HYDIN: variants seen among roughly 807,000 people sequenced by gnomAD.
The protein encoded by HYDIN is axonemal central pair apparatus protein HYDIN.
Under a neutral mutation model 403.9 loss-of-function variants are expected in HYDIN, and 132 were observed. That is an observed-to-expected ratio of 0.33 (90% CI 0.28 to 0.38). The LOEUF is 0.38. Ranked by LOEUF, HYDIN falls within the 10% of genes least tolerant of loss-of-function variation. HYDIN has a pLI of 1.00. For missense variants in HYDIN, 2,827 were observed against 5,009.5 expected (o/e 0.56, Z 13.15); for synonymous variants, 1,202 against 1,891.7 (o/e 0.64, Z 9.46).
rs1303923111 is a variant in HYDIN at position 70,829,847 on chromosome 16, A to G, written c.13900-17T>C. On this transcript the variant is annotated splice_polypyrimidine_tract_variant and intron_variant, in intron 80 of 85. Coordinates refer to ENST00000393567, the MANE Select transcript of HYDIN (RefSeq NM_001270974.2). The stretch of plus-strand genomic sequence containing the variant: ...ATTCACTACCTGGAAGAAAGCAGGC[A>G]CCTCATCTTCCATGGCACTTCCCCC... 1.2e-6 allele frequency: 2 copies of G among 1,610,998 alleles called. No individual in the cohort carries two copies. The highest frequency in any genetic ancestry group is 3.3e-5 in the Admixed American group (2 of 59,972).
At chr16:71,043,074 T>A (rs553320750) in intron 18 of HYDIN, among the ~76,000 whole-genome samples, 1 of 152,004 alleles carries the variant, frequency 6.6e-6, no homozygotes, top group African/African-American at 2.4e-5. Context: ...TTTGGCTAGA[T>A]GATGAATTTA....
chr16:70,836,496 T>C (rs1054495314), intron 77 of HYDIN, among the ~76,000 whole-genome samples: 4 of 152,122 alleles, frequency 2.6e-5, no homozygotes, highest in African/African-American at 9.7e-5. Flanking sequence ...GAGGGAGAGA[T>C]GATGGTGGTT....
In HYDIN at chr16:70,909,852, C is replaced by T. The variant is rs563789355; in HGVS notation, c.8005-991G>A. 9.2e-5 allele frequency among the ~76,000 whole-genome samples: 14 copies of T among 151,552 alleles called. No individual in the cohort carries two copies. The East Asian group carries it at 2.3e-3, about 25-fold the overall frequency. On this transcript the variant is annotated intron_variant, in intron 47 of 85. Transcript: ENST00000393567. ...CTGGGACTACAGGCGCCTGCCACCA[C>T]GCCTGACTAATTTTGTGTATTTTTA...
chr16:71,170,459 C>T (rs1567403785), intron 5 of HYDIN, among the ~76,000 whole-genome samples: 1 of 152,140 alleles, frequency 6.6e-6, no homozygotes, highest in African/African-American at 2.4e-5. Flanking sequence ...TGAATCTAAT[C>T]AAGGCTATAG....
intron 44 of HYDIN, among the ~76,000 whole-genome samples, chr16:70,936,660 A>G (rs1567862455): frequency 6.6e-6 from 1 of 151,320 alleles, no homozygotes; most frequent in Non-Finnish European, 1.5e-5. Context: ...AAGCCTCCTG[A>G]GTAGCTAGGA....
At chr16:71,136,697 G>C (rs1174426907) in intron 8 of HYDIN, among the ~76,000 whole-genome samples, 1 of 147,222 alleles carries the variant, frequency 6.8e-6, no homozygotes, top group Non-Finnish European at 1.5e-5. Flanking sequence ...AACCCAGGAG[G>C]CAGAGGTTGT....
In HYDIN at chr16:71,184,955, C is replaced by G; in HGVS notation, c.171G>C (p.Leu57=). 1.2e-6 allele frequency: 2 copies of G among 1,610,100 alleles called. No individual in the cohort carries two copies. The highest frequency in any genetic ancestry group is 1.1e-5 in the South Asian group (1 of 90,526). The change falls in exon 3 of 86, where the codon CTG becomes CTC. Residue 57 remains leucine, a synonymous_variant. Coordinates refer to ENST00000393567, the MANE Select transcript of HYDIN (RefSeq NM_001270974.2). The part of the protein sequence containing the change: ...TPSEFLKEMS[L]TTEQRLAKTR... Reference sequence around the variant, plus strand: ...TTTTTGCCAGTCTCTGCTCGGTGGTCAGGGACATTTCCTTCAGGAACTCTG... The same window carrying G: ...TTTTTGCCAGTCTCTGCTCGGTGGTGAGGGACATTTCCTTCAGGAACTCTG...
chr16:71,098,733 T>TAA (rs56001948), intron 10 of HYDIN, among the ~76,000 whole-genome samples: 27,961 of 128,234 alleles, frequency 0.22, 1,492 homozygotes, highest in Non-Finnish European at 0.26. Context: ...CTGCCTTTCT[T>TAA]AAAAAAAAAA....
intron 1 of HYDIN, among the ~76,000 whole-genome samples, chr16:71,203,164 G>T (rs1225341022): frequency 6.6e-6 from 1 of 152,194 alleles, no homozygotes; most frequent in Non-Finnish European, 1.5e-5. Flanking sequence ...TAGATGGATG[G>T]AAGGAGGTAA....
At chr16:71,177,667 T>C (rs1597957700) in intron 4 of HYDIN, among the ~76,000 whole-genome samples, 1 of 152,232 alleles carries the variant, frequency 6.6e-6, no homozygotes, top group African/African-American at 2.4e-5. Flanking sequence ...TTTTGTCTTA[T>C]AGCTAGAATT....
At chr16:71,218,889 T>C (rs2144752445) in intron 1 of HYDIN, among the ~76,000 whole-genome samples, 1 of 152,334 alleles carries the variant, frequency 6.6e-6, no homozygotes, top group South Asian at 2.1e-4. Context: ...ATATCATCTA[T>C]AATTAATTAC....
intron 13 of HYDIN, 34 bp from the exon 14 acceptor site, chr16:71,069,536 C>T: frequency 6.4e-7 from 1 of 1,563,840 alleles, no homozygotes; most frequent in Non-Finnish European, 8.8e-7. Context: ...GAAATAAAAG[C>T]CCCCCCAACA....
At chr16:71,067,800 A>G (rs1462084419) in intron 14 of HYDIN, among the ~76,000 whole-genome samples, 2 of 152,106 alleles carry the variant, frequency 1.3e-5, no homozygotes, top group Non-Finnish European at 2.9e-5. Context: ...GTTCTCTTAC[A>G]GTAAAATAAA....
intron 50 of HYDIN, among the ~76,000 whole-genome samples, chr16:70,905,313 G>T (rs1394444779): frequency 1.3e-5 from 2 of 151,860 alleles, no homozygotes; most frequent in East Asian, 3.9e-4. Context: ...TTCCCATTTT[G>T]CAGATGAGGA....
At chr16:71,019,774 G>A (rs1392056838) in intron 22 of HYDIN, among the ~76,000 whole-genome samples, 1 of 152,222 alleles carries the variant, frequency 6.6e-6, no homozygotes, top group Admixed American at 6.5e-5. Context: ...TAGTCCAGAC[G>A]TGAGAGAGGA....
intron 44 of HYDIN, among the ~76,000 whole-genome samples, chr16:70,937,938 G>C (rs1259472789): frequency 1.3e-5 from 2 of 152,102 alleles, no homozygotes; most frequent in Non-Finnish European, 2.9e-5. Context: ...GATAGCCCGA[G>C]GTGGCAGTCC....
chr16:70,914,264 T>C (rs2076775187), intron 47 of HYDIN, among the ~76,000 whole-genome samples: 1 of 152,224 alleles, frequency 6.6e-6, no homozygotes, highest in South Asian at 2.1e-4. Context: ...AAGTTCTGTT[T>C]TGATGTGTTT....
chr16:70,913,333 G>A (rs1397922802), intron 47 of HYDIN, among the ~76,000 whole-genome samples: 9 of 151,996 alleles, frequency 5.9e-5, no homozygotes, highest in Non-Finnish European at 2.9e-5. Context: ...GATAGGTTGT[G>A]TCATTCAGTT....
chr16:71,069,161 C>CG, intron 14 of HYDIN, 106 bp downstream of exon 14: 1 of 1,244,058 alleles, frequency 8.0e-7, no homozygotes, highest in Admixed American at 2.2e-5. Flanking sequence ...CAGGCACCCC[C>CG]TCCTGCTGAC....
Sources: gnomAD v4.1 joint callset for allele counts (sites outside exome capture counted in the v4.1 genomes callset) on GRCh38, gnomAD v4.1.1 for gene constraint, MANE v1.5 for transcripts, NCBI Gene and HGNC (gene_info 2026-07-23, HGNC 2026-07-21) for gene names.